The following SERINC3 variants were observed in gnomAD, a reference collection of about 807,000 sequenced individuals.
SERINC3 encodes the protein serine incorporator 3, also known as tumor differentially expressed protein 1.
A neutral mutation model predicts 52.1 loss-of-function variants in SERINC3; 22 were observed. The observed-to-expected ratio is 0.42, with a 90% CI of 0.30 to 0.60. SERINC3 has a LOEUF of 0.60. Ranked by LOEUF, SERINC3 falls within the 20% of genes least tolerant of loss-of-function variation. SERINC3 has a pLI of 0.16. For missense variants in SERINC3, 564 were observed against 584.6 expected, an observed-to-expected ratio of 0.96 and a Z score of 0.36; for synonymous variants, 226 against 212.7, an observed-to-expected ratio of 1.06 and a Z score of -0.54.
chr20:44,517,869 A>G (rs2064390269), intron 1 of SERINC3, among the ~76,000 whole-genome samples: 1 of 152,248 alleles, frequency 6.6e-6, no homozygotes, highest in South Asian at 2.1e-4. Context: ...GGTACTCAGT[A>G]AATATCTGTG....
At chr20:44,502,305 G>A (rs867172629) in intron 8 of SERINC3, among the ~76,000 whole-genome samples, 15 of 152,216 alleles carry the variant, frequency 9.9e-5, no homozygotes, top group African/African-American at 3.6e-4. Flanking sequence ...TAGAAATCAG[G>A]ACTGGGTGTG....
chr20:44,506,768 G>C, intron 6 of SERINC3, 59 bp downstream of exon 6: 2 of 1,201,000 alleles, frequency 1.7e-6, no homozygotes, highest in Non-Finnish European at 2.2e-6. Flanking sequence ...AGGGTACCTA[G>C]ATTTTAAGCT....
rs1449658211 is a variant in SERINC3, at chr20:44,512,960, T to A, written c.236A>T (p.His79Leu). 1 of 1,511,868 alleles carries A rather than the reference T, an allele frequency of 6.6e-7. No homozygotes were observed. The highest frequency in any genetic ancestry group is 8.8e-7 in the Non-Finnish European group (1 of 1,139,184). The allele number at this position is 1,511,868 out of a possible 1,614,324, so 93.7% of individuals were successfully genotyped here. The change falls in exon 3 of 10, where the codon CAT becomes CTT. Residue 79 changes from histidine (H) to leucine (L), a missense_variant. By Grantham distance (99) the His-to-Leu change is moderately conservative (BLOSUM62 -3). Coordinates refer to ENST00000342374, the MANE Select transcript of SERINC3 (RefSeq NM_006811.4). ...TTTATCTGCATTTATATCAGCCTCA[T>A]GGATTTTAAATCCCCCTTCACAAAA... Reference protein sequence around the residue: ...PGFCEGGFKIHEADINADKDC... With the variant: ...PGFCEGGFKILEADINADKDC...
intron 6 of SERINC3, among the ~76,000 whole-genome samples, chr20:44,506,576 C>G (rs1285091895): frequency 2.1e-5 from 2 of 93,288 alleles, no homozygotes; most frequent in African/African-American, 5.3e-5. Flanking sequence ...CAGAGCGAGA[C>G]TCCATCTCAA....
chr20:44,513,066 G>A, intron 2 of SERINC3, 72 bp from the exon 3 acceptor site: 1 of 1,079,830 alleles, frequency 9.3e-7, no homozygotes. Flanking sequence ...CTGCAGGAAA[G>A]CCTGGATTTA....
intron 6 of SERINC3, 88 bp downstream of exon 6, chr20:44,506,739 A>T: frequency 1.2e-6 from 1 of 833,454 alleles, no homozygotes; most frequent in Non-Finnish European, 1.7e-6. Flanking sequence ...GGATAAACTT[A>T]GACATAAATT....
intron 3 of SERINC3, among the ~76,000 whole-genome samples, chr20:44,512,156 T>C (rs1228289930): frequency 1.3e-5 from 2 of 151,464 alleles, no homozygotes; most frequent in Non-Finnish European, 2.9e-5. Context: ...CTACTAAAAA[T>C]ACAAAAATTA....
chr20:44,502,809 C>T (rs1376949453), intron 8 of SERINC3, among the ~76,000 whole-genome samples: 1 of 151,946 alleles, frequency 6.6e-6, no homozygotes, highest in African/African-American at 2.4e-5. Context: ...CTTGCTCTGA[C>T]TGGTCTCAAA....
chr20:44,514,780 A>G (rs2064369684), intron 1 of SERINC3, among the ~76,000 whole-genome samples: 1 of 152,084 alleles, frequency 6.6e-6, no homozygotes, highest in African/African-American at 2.4e-5. Context: ...AAATAAAATA[A>G]AAAAATAAAG....
At position 44,498,573 on chromosome 20, in the gene SERINC3, C is replaced by A. The variant is rs2064261522; in HGVS notation, c.*1723G>T. ...CCTGGGCGACAGAGCAAGACTCCGT[C>A]TCAAAAAAAAAAATTAAAATTGAAA... On this transcript the variant is annotated 3_prime_UTR_variant, in exon 10 of 10. Transcript: ENST00000342374. The A allele has an allele frequency of 6.6e-6, 1 of 150,430 alleles. No individual in the cohort carries two copies. The highest frequency in any genetic ancestry group is 1.5e-5 in the Non-Finnish European group (1 of 67,770). 9.3% of individuals were successfully genotyped at this position (150,430 alleles called of 1,614,324 possible).
chr20:44,500,479 G>T, intron 9 of SERINC3, 45 bp from the exon 10 acceptor site: 1 of 1,550,226 alleles, frequency 6.5e-7, no homozygotes, highest in South Asian at 1.2e-5. Flanking sequence ...TGGTCTACCT[G>T]ACTTCTATCA....
chr20:44,509,514 T>C (rs574472831), intron 5 of SERINC3, among the ~76,000 whole-genome samples: 28 of 152,306 alleles, frequency 1.8e-4, no homozygotes, highest in African/African-American at 6.7e-4. Flanking sequence ...TTGTGGATTT[T>C]TTTCCTTTTA....
chr20:44,520,904 A>C lies in SERINC3; in HGVS notation c.39+1009T>G, dbSNP rs1474333632. On this transcript the variant is annotated intron_variant, in intron 1 of 9. Transcript: ENST00000342374. ...AGGTGGCCGGTCAGAAGCACAGGTA[A>C]AACAACCTGAGGCTTGCCATTGGCA... Among the ~76,000 whole-genome samples, 6 of 152,208 alleles carry C rather than the reference A, an allele frequency of 3.9e-5. No homozygotes were observed. In the East Asian group the frequency reaches 1.2e-3, roughly 29 times the overall value.
intron 1 of SERINC3, among the ~76,000 whole-genome samples, chr20:44,520,340 A>T (rs1438975727): frequency 2.0e-5 from 3 of 152,142 alleles, no homozygotes; most frequent in Non-Finnish European, 4.4e-5. Flanking sequence ...CAGACAGAGC[A>T]TGGAAGCTCC....
intron 3 of SERINC3, 96 bp from the exon 4 acceptor site, chr20:44,511,464 C>CT: frequency 1.3e-6 from 1 of 752,560 alleles, no homozygotes; most frequent in Non-Finnish European, 2.3e-6. Flanking sequence ...AACTTAATAG[C>CT]TTTTTTCCCA....
At chr20:44,505,699 G>T (rs2064307433) in intron 6 of SERINC3, among the ~76,000 whole-genome samples, 1 of 151,816 alleles carries the variant, frequency 6.6e-6, no homozygotes, top group Admixed American at 6.6e-5. Flanking sequence ...CCAGGGTTCA[G>T]GCTATTCTCC....
Position 44,500,387 on chromosome 20 carries a change from C to G in SERINC3, c.1331G>C (p.Trp444Ser). The change falls in exon 10 of 10, where the codon TGG (tryptophan) becomes TCG (serine). Residue 444 changes from tryptophan (W) to serine (S), a missense_variant. Coordinates refer to ENST00000342374, the MANE Select transcript of SERINC3 (RefSeq NM_006811.4). ...QSMTSKWPAV[W>S]VKISSSWVCL... ...GACCCAGCTGGAGCTGATCTTGACC[C>G]ACACAGCTGGCCACTTGCTGGTCAT... is the stretch of plus-strand genomic sequence containing the variant. The G allele has an allele frequency of 6.3e-7, 1 of 1,593,572 alleles. No homozygotes were observed. Among genetic ancestry groups the G allele is most frequent in the Non-Finnish European group, 8.5e-7 (1 of 1,169,664 alleles).
chr20:44,521,514 G>A (rs2064416331), intron 1 of SERINC3, among the ~76,000 whole-genome samples: 1 of 152,202 alleles, frequency 6.6e-6, no homozygotes, highest in African/African-American at 2.4e-5. Context: ...CAAATCCCGT[G>A]CTAGGGGATA....
intron 6 of SERINC3, 68 bp from the exon 7 acceptor site, chr20:44,504,959 C>T: frequency 8.4e-7 from 1 of 1,195,798 alleles, no homozygotes; most frequent in Non-Finnish European, 1.2e-6. Flanking sequence ...ATGCAGTGCA[C>T]TTCTCTGGAG....
Sources: gnomAD v4.1 joint callset for allele counts (sites outside exome capture counted in the v4.1 genomes callset) on GRCh38, gnomAD v4.1.1 for gene constraint, MANE v1.5 for transcripts, NCBI Gene and HGNC (gene_info 2026-07-23, HGNC 2026-07-21) for gene names.